HOXA11: variants seen among roughly 807,000 people sequenced by gnomAD.
The protein encoded by HOXA11 is homeobox protein Hox-A11.
Under a neutral mutation model 22.5 loss-of-function variants are expected in HOXA11, and 8 were observed. The observed-to-expected ratio is 0.36, with a 90% CI of 0.21 to 0.64. HOXA11 has a LOEUF of 0.64. Ranked by LOEUF, HOXA11 falls within the 30% of genes least tolerant of loss-of-function variation. HOXA11 has a pLI of 0.67. For synonymous variants in HOXA11, 211 were observed against 188.4 expected (o/e 1.12, Z -0.98); for missense variants, 388 against 429.0 (o/e 0.90, Z 0.84).
chr7:27,182,081 G>A lies in HOXA11; in HGVS notation c.*715C>T, dbSNP rs1783778542. 1.3e-5 allele frequency: 3 copies of A among 235,730 alleles called. 1 individual carries two copies. In the South Asian group the frequency reaches 5.2e-4, roughly 41 times the overall value. 14.6% of individuals were successfully genotyped at this position (235,730 alleles called of 1,614,324 possible). A position where few individuals can be genotyped will look rare whatever the true frequency, so the allele number is the denominator to read the frequency against. On this transcript the variant is annotated 3_prime_UTR_variant, in exon 2 of 2. Coordinates refer to ENST00000006015, the MANE Select transcript of HOXA11 (RefSeq NM_005523.6). ...AGTCCACTCTGTGTCGAGGCTTTGG[G>A]CCTGAGTGGCAGGCTGGAACCAAGA...
intron 1 of HOXA11, among the ~76,000 whole-genome samples, chr7:27,183,657 G>C (rs1370402208): frequency 1.3e-5 from 2 of 150,256 alleles, no homozygotes; most frequent in African/African-American, 4.9e-5. Context: ...CGGCCATCCT[G>C]CACACGGCAG....
intron 1 of HOXA11, 24 bp downstream of exon 1, chr7:27,184,412 G>C: frequency 6.4e-7 from 1 of 1,571,210 alleles, no homozygotes; most frequent in Non-Finnish European, 8.6e-7. Flanking sequence ...TTCATAAAGC[G>C]CAGGGCGCTG....
chr7:27,182,149 C>T lies in HOXA11; in HGVS notation c.*647G>A, dbSNP rs917308171. 5.9e-5 allele frequency: 14 copies of T among 236,706 alleles called. No homozygotes were observed. Among genetic ancestry groups the T allele is most frequent in the Admixed American group, 2.7e-4 (5 of 18,584 alleles). 14.7% of individuals were successfully genotyped at this position (236,706 alleles called of 1,614,324 possible). A position where few individuals can be genotyped will look rare whatever the true frequency, so the allele number is the denominator to read the frequency against. On this transcript the variant is annotated 3_prime_UTR_variant, in exon 2 of 2. Transcript: ENST00000006015. ...GAAAAGCCAGGTGGGCTGTAGGAGG[C>T]GGTGGCTAGGAACTCAGGGCTGGAT...
In HOXA11 at chr7:27,182,439, A is replaced by C. The variant is rs1783785415; in HGVS notation, c.*357T>G. The C allele has an allele frequency of 4.7e-6, 2 of 424,712 alleles. No homozygotes were observed. The highest frequency in any genetic ancestry group is 4.4e-6 in the Non-Finnish European group (1 of 228,934). The allele number at this position is 424,712 out of a possible 1,614,324, so 26.3% of individuals were successfully genotyped here. A position where few individuals can be genotyped will look rare whatever the true frequency, so the allele number is the denominator to read the frequency against. On this transcript the variant is annotated 3_prime_UTR_variant, in exon 2 of 2. Coordinates refer to ENST00000006015, the MANE Select transcript of HOXA11 (RefSeq NM_005523.6). ...GGGTCCTGGGGGTGGGTAGGCTCCC[A>C]GTAGAGGGAGGGTGTGGTGGGGTTA... is the stretch of plus-strand genomic sequence containing the variant.
At position 27,181,228 on chromosome 7, in the gene HOXA11, A is replaced by G. The variant is rs1377555157; in HGVS notation, c.*1568T>C. Among the ~76,000 whole-genome samples the G allele has an allele frequency of 6.6e-6, 1 of 152,234 alleles. No individual in the cohort carries two copies. The highest frequency in any genetic ancestry group is 2.4e-5 in the African/African-American group (1 of 41,452). On this transcript the variant is annotated 3_prime_UTR_variant, in exon 2 of 2. Coordinates refer to ENST00000006015, the MANE Select transcript of HOXA11 (RefSeq NM_005523.6). ...AAGTGCTGCAACACACACGGTGGGT[A>G]AGAACCAGAATTGAGGACAGGCCAA...
At chr7:27,183,088 G>T in intron 1 of HOXA11, 60 bp from the exon 2 acceptor site, 2 of 1,159,512 alleles carry the variant, frequency 1.7e-6, no homozygotes, top group Non-Finnish European at 1.3e-6. Context: ...CCACCCCAGA[G>T]CCCATAGCTG....
intron 1 of HOXA11, among the ~76,000 whole-genome samples, chr7:27,184,061 T>C (rs1783814363): frequency 6.6e-6 from 1 of 152,090 alleles, no homozygotes; most frequent in Non-Finnish European, 1.5e-5. Flanking sequence ...TATAAAAATC[T>C]CCGGATTACC....
In HOXA11 at chr7:27,181,165, C is replaced by T. The variant is rs887399768; in HGVS notation, c.*1631G>A. Among the ~76,000 whole-genome samples the T allele has an allele frequency of 9.3e-5, 14 of 149,970 alleles. No individual in the cohort carries two copies. The highest frequency in any genetic ancestry group is 1.8e-4 in the Non-Finnish European group (12 of 67,218). On this transcript the variant is annotated 3_prime_UTR_variant, in exon 2 of 2. Coordinates refer to ENST00000006015, the MANE Select transcript of HOXA11 (RefSeq NM_005523.6). ...ATGTCACACCAGGATACTCAAATTT[C>T]CACCGTCTTTATTTTCCTTGTGCCC...
chr7:27,182,671 C>T lies in HOXA11; in HGVS notation c.*125G>A. 1.3e-6 allele frequency: 1 copy of T among 742,810 alleles called. No homozygotes were observed. The highest frequency in any genetic ancestry group is 2.6e-5 in the East Asian group (1 of 39,174). 46.0% of individuals were successfully genotyped at this position (742,810 alleles called of 1,614,324 possible). On this transcript the variant is annotated 3_prime_UTR_variant, in exon 2 of 2. Transcript: ENST00000006015. ...CAGACCACCTCCTGTGGGGCTATCT[C>T]CATGCATCCCTCTCTTGCACACCTC...
At position 27,184,668 on chromosome 7, in the gene HOXA11, G is replaced by A. The variant is rs967315565; in HGVS notation, c.477C>T (p.Tyr159=). The change falls in exon 1 of 2, where the codon TAC becomes TAT. Residue 159 remains tyrosine, a synonymous_variant. Coordinates refer to ENST00000006015, the MANE Select transcript of HOXA11 (RefSeq NM_005523.6). ...CCTTCTCGGCGCTCTTGTCCCCGGGGTAGTCGGAGGAGGCGAGGTTTTCCG... is the reference window on the plus strand; with the variant it reads ...CCTTCTCGGCGCTCTTGTCCCCGGGATAGTCGGAGGAGGCGAGGTTTTCCG... ...GTPENLASSD[Y]PGDKSAEKGP... The A allele has an allele frequency of 8.1e-6, 13 of 1,612,462 alleles. No individual in the cohort carries two copies. The highest frequency in any genetic ancestry group is 1.1e-5 in the Non-Finnish European group (13 of 1,179,654).
Position 27,185,178 on chromosome 7 carries a change from A to G in HOXA11, c.-34T>C. 1 of 1,613,194 alleles carries G rather than the reference A, an allele frequency of 6.2e-7. No homozygotes were observed. The highest frequency in any genetic ancestry group is 1.7e-4 in the Middle Eastern group (1 of 6,058). ...TACCTTGGGCTCTCCGCAGTAGCCG[A>G]GCTTAACATGATTCTCCACTGCAGC... On this transcript the variant is annotated 5_prime_UTR_variant, in exon 1 of 2. Coordinates refer to ENST00000006015, the MANE Select transcript of HOXA11 (RefSeq NM_005523.6).
chr7:27,184,245 G>T (rs571099371), intron 1 of HOXA11, among the ~76,000 whole-genome samples, 191 bp downstream of exon 1: 1 of 152,286 alleles, frequency 6.6e-6, no homozygotes, highest in Admixed American at 6.5e-5. Flanking sequence ...TGGCCGGTGG[G>T]TATTTCACGG....
Position 27,184,863 on chromosome 7 carries a change from C to A in HOXA11, c.282G>T (p.Leu94=). The change falls in exon 1 of 2, where the codon CTG becomes CTT. Residue 94 remains leucine, a synonymous_variant. Coordinates refer to ENST00000006015, the MANE Select transcript of HOXA11 (RefSeq NM_005523.6). The stretch of plus-strand genomic sequence containing the variant: ...GCACGCCGGCCGCGCTGGGCGCCTG[C>A]AGGCAGTCTCTGTGCACGAGCTCCT... The part of the protein sequence containing the change: ...SAEELVHRDC[L]QAPSAAGVPG... 6.2e-7 allele frequency: 1 copy of A among 1,613,676 alleles called. No individual in the cohort carries two copies. The highest frequency in any genetic ancestry group is 8.5e-7 in the Non-Finnish European group (1 of 1,179,708).
At position 27,184,664 on chromosome 7, in the gene HOXA11, C is replaced by A; in HGVS notation, c.481G>T (p.Gly161Trp). Residue 161 changes from glycine (G) to tryptophan (W), a missense_variant, in exon 1 of 2, where the codon GGG (glycine) becomes TGG (tryptophan). Physicochemically the swap from Gly to Trp is radical, Grantham distance 184 (BLOSUM62 -2). Around this residue, in one of 4 missense-constraint regions of HOXA11, gnomAD observed 295 missense variants for 281.1 expected, o/e 1.05. Coordinates refer to ENST00000006015, the MANE Select transcript of HOXA11 (RefSeq NM_005523.6). ...PENLASSDYP[G>W]DKSAEKGPPA... Reference sequence around the variant, plus strand: ...GGCCCCTTCTCGGCGCTCTTGTCCCCGGGGTAGTCGGAGGAGGCGAGGTTT... The same window carrying A: ...GGCCCCTTCTCGGCGCTCTTGTCCCAGGGGTAGTCGGAGGAGGCGAGGTTT... The A allele has an allele frequency of 6.2e-7, 1 of 1,611,992 alleles. No individual in the cohort carries two copies. Among genetic ancestry groups the A allele is most frequent in the Non-Finnish European group, 8.5e-7 (1 of 1,179,522 alleles).
chr7:27,184,673 C>T lies in HOXA11; in HGVS notation c.472G>A (p.Asp158Asn). 3 of 1,612,672 alleles carry T rather than the reference C, an allele frequency of 1.9e-6. No individual in the cohort carries two copies. The highest frequency in any genetic ancestry group is 2.5e-6 in the Non-Finnish European group (3 of 1,179,746). Residue 158 changes from aspartate to asparagine, a missense_variant, in exon 1 of 2, where the codon GAC becomes AAC. Asp to Asn is a conservative substitution (Grantham distance 23). Transcript: ENST00000006015. ...YGTPENLASS[D>N]YPGDKSAEKG... ...TCGGCGCTCTTGTCCCCGGGGTAGT[C>T]GGAGGAGGCGAGGTTTTCCGGGGTG...
At chr7:27,184,392 C>T (rs1282055784) in intron 1 of HOXA11, 44 bp downstream of exon 1, 48 of 1,559,180 alleles carry the variant, frequency 3.1e-5, no homozygotes, top group Non-Finnish European at 4.0e-5. Flanking sequence ...GCTAGATTTC[C>T]AACTCCCCTT....
chr7:27,184,872 T>A lies in HOXA11; in HGVS notation c.273A>T (p.Arg91Ser), dbSNP rs770144872. The change falls in exon 1 of 2, where the codon AGA becomes AGT. Residue 91 changes from arginine to serine, a missense_variant. Arg to Ser is a moderately radical substitution (Grantham distance 110, BLOSUM62 -1). This residue lies in a region of HOXA11 where 295 missense variants were observed against 281.1 expected (regional missense o/e 1.05). Coordinates refer to ENST00000006015, the MANE Select transcript of HOXA11 (RefSeq NM_005523.6). ...CCGCGCTGGGCGCCTGCAGGCAGTCTCTGTGCACGAGCTCCTCCGCGGAGT... is the reference window on the plus strand; with the variant it reads ...CCGCGCTGGGCGCCTGCAGGCAGTCACTGTGCACGAGCTCCTCCGCGGAGT... The part of the protein sequence containing the change: ...HCYSAEELVH[R>S]DCLQAPSAAG... The A allele has an allele frequency of 1.2e-6, 2 of 1,613,868 alleles. No individual in the cohort carries two copies. The highest frequency in any genetic ancestry group is 2.2e-5 in the South Asian group (2 of 91,078).
Position 27,182,530 on chromosome 7 carries a change from G to C in HOXA11, c.*266C>G. 1.9e-6 allele frequency: 1 copy of C among 523,268 alleles called. No individual in the cohort carries two copies. The highest frequency in any genetic ancestry group is 3.5e-6 in the Non-Finnish European group (1 of 289,314). 32.4% of individuals were successfully genotyped at this position (523,268 alleles called of 1,614,324 possible). A position where few individuals can be genotyped will look rare whatever the true frequency, so the allele number is the denominator to read the frequency against. ...ACCACACCCAGCCCGCAGCTCTGCA[G>C]GCTCCAAGAGTGAACCACCAGGGGT... On this transcript the variant is annotated 3_prime_UTR_variant, in exon 2 of 2. Transcript: ENST00000006015.
chr7:27,181,310 A>G lies in HOXA11; in HGVS notation c.*1486T>C, dbSNP rs535094258. Among the ~76,000 whole-genome samples, 11 of 152,300 alleles carry G rather than the reference A, an allele frequency of 7.2e-5. No homozygotes were observed. The highest frequency in any genetic ancestry group is 2.6e-4 in the African/African-American group (11 of 41,572). On this transcript the variant is annotated 3_prime_UTR_variant, in exon 2 of 2. Coordinates refer to ENST00000006015, the MANE Select transcript of HOXA11 (RefSeq NM_005523.6). ...TTCTTAACACAGGGAGGCAAAGGAG[A>G]TTCAATGGGAGGGTGCCTGGCTTTC...
Sources: gnomAD v4.1 joint callset for allele counts (sites outside exome capture counted in the v4.1 genomes callset) on GRCh38, gnomAD v4.1.1 for gene constraint, gnomAD v4.1.1 regional missense constraint, MANE v1.5 for transcripts, NCBI Gene and HGNC (gene_info 2026-07-23, HGNC 2026-07-21) for gene names.